SEL1L3: variants seen among roughly 807,000 people sequenced by gnomAD.
SEL1L3 encodes SEL1L family member 3, also known as protein sel-1 homolog 3.
A neutral mutation model predicts 142.8 loss-of-function variants in SEL1L3; 76 were observed. That is an observed-to-expected ratio of 0.53 (90% CI 0.44 to 0.64). The LOEUF (loss-of-function observed/expected upper bound fraction) is 0.64. Among genes scored for constraint, SEL1L3 ranks in the 30% least tolerant of loss-of-function variants. SEL1L3 has a pLI of 0.00. For synonymous variants in SEL1L3, 504 were observed against 519.6 expected (o/e 0.97, Z 0.41); for missense variants, 1,262 against 1,381.7 (o/e 0.91, Z 1.37).
chr4:25,760,025 C>T (rs1718269312), intron 20 of SEL1L3: 2 of 151,976 alleles, frequency 1.3e-5, no homozygotes, highest in Non-Finnish European at 1.5e-5. Flanking sequence ...ATTTTGTCAC[C>T]CAGGTACTAA....
rs749246195 is a variant in SEL1L3, at chr4:25,804,725, G to A, written c.1592C>T (p.Ser531Leu). The A allele has an allele frequency of 1.3e-5, 21 of 1,613,304 alleles. No homozygotes were observed. Among genetic ancestry groups the A allele is most frequent in the Non-Finnish European group, 1.3e-5 (15 of 1,179,488 alleles). ...TVPRNQNESV[S>L]EIGGKIFEKA... is the part of the protein sequence containing the mutation. ...CTCAAATATCTTCCCACCGATTTCT[G>A]ATACAGATTCATTTTGGTTCCTTGG... The change falls in exon 10 of 24, where the codon TCA (serine) becomes TTA (leucine). Residue 531 changes from serine to leucine, a missense_variant. Coordinates refer to ENST00000399878, the MANE Select transcript of SEL1L3 (RefSeq NM_015187.5).
rs999805498 is a variant in SEL1L3 at position 25,748,273 on chromosome 4, T to G, written c.*152A>C. 7.1e-6 allele frequency: 5 copies of G among 705,604 alleles called. No homozygotes were observed. Among genetic ancestry groups the G allele is most frequent in the African/African-American group, 5.4e-5 (3 of 55,766 alleles). The allele number at this position is 705,604 out of a possible 1,614,324, so 43.7% of individuals were successfully genotyped here. A position where few individuals can be genotyped will look rare whatever the true frequency, so the allele number is the denominator to read the frequency against. ...CCTGATCTGGGTACTTCCTTGTAAT[T>G]TGACTTTAAAAAAAATGACACCAAT... is the stretch of plus-strand genomic sequence containing the variant. On this transcript the variant is annotated 3_prime_UTR_variant, in exon 24 of 24. Coordinates refer to ENST00000399878, the MANE Select transcript of SEL1L3 (RefSeq NM_015187.5).
At chr4:25,761,512 G>A (rs1316697445) in intron 20 of SEL1L3, among the ~76,000 whole-genome samples, 4 of 152,144 alleles carry the variant, frequency 2.6e-5, no homozygotes, top group Admixed American at 6.5e-5. Context: ...ATTAAAATAA[G>A]TGGGAAAATA....
chr4:25,719,939 C>T, the SEL1L3 span: 1 of 152,180 alleles, frequency 6.6e-6, no homozygotes, highest in Non-Finnish European at 1.5e-5. Context: ...GCCTTTTAGG[C>T]ATCATAGGGA....
chr4:25,844,268 T>C (rs1716368379), intron 2 of SEL1L3, among the ~76,000 whole-genome samples: 1 of 152,228 alleles, frequency 6.6e-6, no homozygotes, highest in Non-Finnish European at 1.5e-5. Context: ...TCATGGATGT[T>C]TTCCATGGGA....
At chr4:25,714,577 CTTTTTT>C in the SEL1L3 span, among the ~76,000 whole-genome samples, 1 of 100,556 alleles carries the variant, frequency 9.9e-6, no homozygotes. Flanking sequence ...CCTTCTTTTT[CTTTTTT>C]TTTTTTGAGA....
intron 12 of SEL1L3, among the ~76,000 whole-genome samples, chr4:25,789,185 C>T (rs966482982): frequency 6.6e-6 from 1 of 152,186 alleles, no homozygotes; most frequent in African/African-American, 2.4e-5. Context: ...TGCTTCTCCT[C>T]TCATCTCGTT....
At chr4:25,844,623 T>C (rs1465658720) in intron 2 of SEL1L3, among the ~76,000 whole-genome samples, 1 of 152,222 alleles carries the variant, frequency 6.6e-6, no homozygotes, top group Admixed American at 6.5e-5. Context: ...AATGATTTCA[T>C]TTGGAAACTT....
intron 11 of SEL1L3, 40 bp from the exon 12 acceptor site, chr4:25,790,614 GGAA>G (rs1380951694): frequency 6.3e-5 from 2 of 31,734 alleles, no homozygotes; most frequent in African/African-American, 3.6e-4. Flanking sequence ...AGGGAAAGAA[GGAA>G]GGAAGGAAGG....
Position 25,831,510 on chromosome 4 carries a change from A to AATTATT in SEL1L3, c.1099-1360_1099-1355dup, listed in dbSNP as rs71591516. The stretch of plus-strand genomic sequence containing the variant: ...ATTTTTAAATAATAATAATAATAAT[A>AATTATT]ATTATTATTATTATTATTATTATTA... On this transcript the variant is annotated intron_variant, in intron 5 of 23. Transcript: ENST00000399878. Among the ~76,000 whole-genome samples the AATTATT allele has an allele frequency of 6.2e-4, 76 of 122,596 alleles. 1 individual carries two copies. The East Asian group carries it at 9.3e-3, about 15-fold the overall frequency. The allele number at this position is 122,596 out of a possible 152,430, so 80.4% of individuals were successfully genotyped here. A position where few individuals can be genotyped will look rare whatever the true frequency, so the allele number is the denominator to read the frequency against.
intron 11 of SEL1L3, among the ~76,000 whole-genome samples, chr4:25,799,183 T>C (rs931228344): frequency 4.6e-5 from 7 of 152,128 alleles, no homozygotes; most frequent in African/African-American, 1.7e-4. Flanking sequence ...CAAGTGACTC[T>C]CGTGCCTCAG....
At chr4:25,796,531 G>A (rs1712766947) in intron 11 of SEL1L3, among the ~76,000 whole-genome samples, 1 of 152,126 alleles carries the variant, frequency 6.6e-6, no homozygotes, top group Non-Finnish European at 1.5e-5. Context: ...AGGTGCTCAT[G>A]CCTATAATCC....
At chr4:25,753,469 G>A (rs540555423) in intron 23 of SEL1L3, among the ~76,000 whole-genome samples, 12 of 152,240 alleles carry the variant, frequency 7.9e-5, no homozygotes, top group African/African-American at 2.9e-4. Flanking sequence ...GTTTCACAAC[G>A]CCATGGCTGC....
intron 17 of SEL1L3, among the ~76,000 whole-genome samples, chr4:25,771,253 A>G (rs1719166029): frequency 6.6e-6 from 1 of 152,228 alleles, no homozygotes; most frequent in Non-Finnish European, 1.5e-5. Flanking sequence ...AGTCAACCAG[A>G]GCTTCAAGCT....
the SEL1L3 span, among the ~76,000 whole-genome samples, chr4:25,717,224 A>C: frequency 6.6e-6 from 1 of 152,184 alleles, no homozygotes; most frequent in South Asian, 2.1e-4. Flanking sequence ...ACCCCATTAA[A>C]TTCAAGTCAT....
At position 25,748,118 on chromosome 4, in the gene SEL1L3, G is replaced by A. The variant is rs1717357037; in HGVS notation, c.*307C>T. ...TGTATAAGAATCCAGATCTGCCGTA[G>A]GGCATGCTATGACTCCTAATACATA... On this transcript the variant is annotated 3_prime_UTR_variant, in exon 24 of 24. Transcript: ENST00000399878. 1 of 319,490 alleles carries A rather than the reference G, an allele frequency of 3.1e-6. No homozygotes were observed. Among genetic ancestry groups the A allele is most frequent in the East Asian group, 6.6e-5 (1 of 15,122 alleles). The allele number at this position is 319,490 out of a possible 1,614,324, so 19.8% of individuals were successfully genotyped here. A position where few individuals can be genotyped will look rare whatever the true frequency, so the allele number is the denominator to read the frequency against.
chr4:25,740,259 C>A, the SEL1L3 span, among the ~76,000 whole-genome samples: 1 of 147,496 alleles, frequency 6.8e-6, no homozygotes, highest in Non-Finnish European at 1.5e-5. Flanking sequence ...CATGGTGAAA[C>A]CTCATCTCTA....
intron 11 of SEL1L3, among the ~76,000 whole-genome samples, chr4:25,801,719 A>C (rs1713194930): frequency 6.6e-6 from 1 of 152,092 alleles, no homozygotes; most frequent in Non-Finnish European, 1.5e-5. Context: ...GGAGTCTTCA[A>C]TCATCACACC....
intron 20 of SEL1L3, among the ~76,000 whole-genome samples, chr4:25,761,040 C>A (rs1718339702): frequency 6.6e-6 from 1 of 152,144 alleles, no homozygotes; most frequent in African/African-American, 2.4e-5. Flanking sequence ...CAAGAATAAC[C>A]TCTAAATAGA....
Sources: allele counts gnomAD v4.1 joint callset (sites outside exome capture counted in the v4.1 genomes callset), GRCh38; gene constraint gnomAD v4.1.1; transcripts MANE v1.5; gene names NCBI Gene and HGNC (gene_info 2026-07-23, HGNC 2026-07-21).